Variants in RIN2 observed in about 807,000 individuals in gnomAD.
The protein encoded by RIN2 is RAB5 interacting protein 2.
A neutral mutation model predicts 78.0 loss-of-function variants in RIN2; 36 were observed. The ratio of observed to expected loss-of-function variants is 0.46; its 90% confidence interval spans 0.35 to 0.61. The LOEUF is 0.61. Among genes scored for constraint, RIN2 ranks in the 20% least tolerant of loss-of-function variants. The probability of loss-of-function intolerance (pLI) is 0.00; values close to 1 mark genes in which losing one functional copy is unlikely to be tolerated. For synonymous variants in RIN2, 466 were observed against 466.8 expected (o/e 1.00, Z 0.02); for missense variants, 1,087 against 1,159.7 (o/e 0.94, Z 0.91).
chr20:19,900,740 CG>C (rs1044607960), intron 3 of RIN2, among the ~76,000 whole-genome samples: 9 of 151,886 alleles, frequency 5.9e-5, no homozygotes, highest in Middle Eastern at 3.4e-3. Context: ...GTCCTGAGGT[CG>C]GGAGTCCCAG....
chr20:19,989,272 C>CTTTTTT (rs11455546), intron 9 of RIN2, among the ~76,000 whole-genome samples: 2 of 109,376 alleles, frequency 1.8e-5, no homozygotes, highest in Non-Finnish European at 1.9e-5. Flanking sequence ...AGAAAACATT[C>CTTTTTT]TTTTTTTTTT....
At chr20:19,947,126 A>G (rs947050258) in intron 4 of RIN2, among the ~76,000 whole-genome samples, 3 of 152,090 alleles carry the variant, frequency 2.0e-5, no homozygotes, top group African/African-American at 7.2e-5. Context: ...AATTAAAACC[A>G]TGCCTCCATG....
At chr20:19,920,983 TTTGGG>T (rs888023454) in intron 3 of RIN2, among the ~76,000 whole-genome samples, 114 of 110,262 alleles carry the variant, frequency 1.0e-3, no homozygotes, top group Non-Finnish European at 1.7e-3. Flanking sequence ...GAAACAGTTT[TTTGGG>T]TTGTTTGTTT....
intron 3 of RIN2, among the ~76,000 whole-genome samples, chr20:19,900,641 GAAAA>G (rs2038936303): frequency 1.4e-5 from 2 of 141,846 alleles, no homozygotes; most frequent in African/African-American, 2.8e-5. Flanking sequence ...TAAAAAAAAA[GAAAA>G]AACAAAAACA....
chr20:19,911,750 C>G (rs995813217), intron 3 of RIN2, among the ~76,000 whole-genome samples: 4 of 135,196 alleles, frequency 3.0e-5, no homozygotes, highest in Non-Finnish European at 6.4e-5. Context: ...TGAATTTTTG[C>G]TTCAGTGTCA....
At chr20:19,849,479 T>A (rs919253204) in intron 2 of RIN2, among the ~76,000 whole-genome samples, 4 of 152,198 alleles carry the variant, frequency 2.6e-5, no homozygotes, top group Admixed American at 1.3e-4. Flanking sequence ...ACTCTGCTCC[T>A]GCTCAGCAGC....
chr20:19,863,440 C>A (rs1418794150), intron 2 of RIN2, among the ~76,000 whole-genome samples: 2 of 152,114 alleles, frequency 1.3e-5, no homozygotes, highest in South Asian at 2.1e-4. Flanking sequence ...GAGTTAATGT[C>A]CCCACAAGCA....
intron 2 of RIN2, among the ~76,000 whole-genome samples, 186 bp downstream of exon 2, chr20:19,799,933 A>T (rs770850817): frequency 2.6e-5 from 4 of 152,196 alleles, no homozygotes; most frequent in Non-Finnish European, 5.9e-5. Context: ...TGTCCATGAT[A>T]CACTGGCAGC....
intron 9 of RIN2, among the ~76,000 whole-genome samples, chr20:19,985,954 C>T (rs977745128): frequency 1.3e-5 from 2 of 152,074 alleles, no homozygotes; most frequent in Non-Finnish European, 2.9e-5. Context: ...TAGTAGGCCT[C>T]CCTGGATGGA....
At chr20:19,771,088 G>T (rs1189674500) in intron 1 of RIN2, among the ~76,000 whole-genome samples, 2 of 152,220 alleles carry the variant, frequency 1.3e-5, no homozygotes, top group African/African-American at 4.8e-5. Context: ...GGGGAGGCCA[G>T]CTTCCAAGAA....
At chr20:19,824,487 G>A (rs974635739) in intron 2 of RIN2, among the ~76,000 whole-genome samples, 1 of 151,646 alleles carries the variant, frequency 6.6e-6, no homozygotes, top group Non-Finnish European at 1.5e-5. Flanking sequence ...GGTGTATCTA[G>A]TGACACTCAT....
Position 20,000,765 on chromosome 20 carries a change from C to T in RIN2, c.2517C>T (p.Phe839=), listed in dbSNP as rs764917902. 1.5e-5 allele frequency: 25 copies of T among 1,613,946 alleles called. No homozygotes were observed. Among genetic ancestry groups the T allele is most frequent in the Non-Finnish European group, 2.1e-5 (25 of 1,179,890 alleles). ...GDPEEYSLFL[F]VDETWQQLAE... is the part of the protein sequence containing the mutation. ...CTGAGGAGTACAGCCTCTTTCTCTT[C>T]GTTGACGAGACATGGCAGCAGCTGG... Residue 839 remains phenylalanine (F), a synonymous_variant, in exon 13 of 13, where the codon TTC becomes TTT. Coordinates refer to ENST00000255006, the MANE Select transcript of RIN2 (RefSeq NM_018993.4).
chr20:19,986,763 A>C (rs969081596), intron 9 of RIN2, among the ~76,000 whole-genome samples: 1 of 152,208 alleles, frequency 6.6e-6, no homozygotes, highest in African/African-American at 2.4e-5. Flanking sequence ...TGAAAATCTC[A>C]TCCAGGTCTT....
At chr20:19,902,015 CAAAAAA>C (rs55949901) in intron 3 of RIN2, among the ~76,000 whole-genome samples, 1 of 100,662 alleles carries the variant, frequency 9.9e-6, no homozygotes, top group African/African-American at 3.9e-5. Context: ...GACTCTGTCT[CAAAAAA>C]AAAAAAAAAA....
intron 4 of RIN2, among the ~76,000 whole-genome samples, chr20:19,943,873 C>T (rs1326258365): frequency 6.6e-6 from 1 of 152,016 alleles, no homozygotes; most frequent in African/African-American, 2.4e-5. Flanking sequence ...CTGTGTTAGC[C>T]AGGCCAGGGT....
At chr20:19,795,147 G>A (rs1294854867) in intron 1 of RIN2, among the ~76,000 whole-genome samples, 1 of 152,206 alleles carries the variant, frequency 6.6e-6, no homozygotes, top group African/African-American at 2.4e-5. Context: ...ATCCCAAGTT[G>A]TTCCAGCTGC....
At position 19,793,744 on chromosome 20, in the gene RIN2, A is replaced by G. The variant is rs973743861; in HGVS notation, c.-162-5878A>G. 2.0e-5 allele frequency among the ~76,000 whole-genome samples: 3 copies of G among 152,368 alleles called. No homozygotes were observed. The South Asian group carries it at 6.2e-4, about 32-fold the overall frequency. On this transcript the variant is annotated intron_variant, in intron 1 of 12. Transcript: ENST00000255006. Reference sequence around the variant, plus strand: ...TTCCAGGTTATTAGGATTACAGAACAATGTTTTTAACACTTTCTAAGGTTG... The same window carrying G: ...TTCCAGGTTATTAGGATTACAGAACGATGTTTTTAACACTTTCTAAGGTTG...
chr20:19,761,935 T>G (rs781364722), intron 1 of RIN2, among the ~76,000 whole-genome samples: 17 of 152,172 alleles, frequency 1.1e-4, no homozygotes, highest in Non-Finnish European at 2.1e-4. Flanking sequence ...AACTTCAGGG[T>G]TCTTGTCCTG....
At chr20:19,837,803 T>G (rs2036467528) in intron 2 of RIN2, among the ~76,000 whole-genome samples, 1 of 152,094 alleles carries the variant, frequency 6.6e-6, no homozygotes, top group Non-Finnish European at 1.5e-5. Context: ...TTCTCCATCC[T>G]TCTTTCCTTT....
Sources: gnomAD v4.1 joint callset for allele counts (sites outside exome capture counted in the v4.1 genomes callset) on GRCh38, gnomAD v4.1.1 for gene constraint, MANE v1.5 for transcripts, NCBI Gene and HGNC (gene_info 2026-07-23, HGNC 2026-07-21) for gene names.